The following MCEE variants were observed in gnomAD, a reference collection of about 807,000 sequenced individuals.
MCEE encodes the protein methylmalonyl-CoA epimerase.
A neutral mutation model predicts 12.9 loss-of-function variants in MCEE; 6 were observed. The observed-to-expected ratio is 0.47, with a 90% CI of 0.26 to 0.92. The LOEUF is 0.92. Ranked by LOEUF, MCEE falls within the 40% of genes least tolerant of loss-of-function variation. MCEE has a pLI of 0.16. For synonymous variants in MCEE, 78 were observed against 77.9 expected, an observed-to-expected ratio of 1.00 and a Z score of -0.01; for missense variants, 214 against 212.1, an observed-to-expected ratio of 1.01 and a Z score of -0.05.
At chr2:71,121,607 C>T (rs929643510) in intron 2 of MCEE, among the ~76,000 whole-genome samples, 8 of 152,112 alleles carry the variant, frequency 5.3e-5, no homozygotes, top group African/African-American at 1.9e-4. Context: ...TTCCACTATT[C>T]CTTACTTAAC....
Position 71,110,295 on chromosome 2 carries a change from G to A in MCEE, c.379-173C>T, listed in dbSNP as rs7564905. Among the ~76,000 whole-genome samples, 47,548 of 152,004 alleles carry A rather than the reference G, an allele frequency of 0.31. 9,146 individuals carry two copies. The highest frequency in any genetic ancestry group is 0.66 in the East Asian group (3,435 of 5,166). ...AAGCTTAAAATTTTCAGAGAAGTAA[G>A]AGAAGTTACTAAATTTTTCTAGGTA... On this transcript the variant is annotated intron_variant, in intron 2 of 2. Transcript: ENST00000244217.
intron 2 of MCEE, among the ~76,000 whole-genome samples, chr2:71,120,685 A>G (rs1673082009): frequency 6.7e-6 from 1 of 150,062 alleles, no homozygotes; most frequent in Non-Finnish European, 1.5e-5. Flanking sequence ...AAGGACAGAA[A>G]GTAGCCCTGT....
intron 2 of MCEE, among the ~76,000 whole-genome samples, chr2:71,117,311 A>G (rs1225717449): frequency 6.6e-6 from 1 of 150,626 alleles, no homozygotes; most frequent in African/African-American, 2.5e-5. Context: ...AAGCTTCCAC[A>G]ATGACTATAT....
At chr2:71,111,649 G>T (rs1398774400) in intron 2 of MCEE, among the ~76,000 whole-genome samples, 1 of 152,150 alleles carries the variant, frequency 6.6e-6, no homozygotes, top group Admixed American at 6.6e-5. Context: ...AGGTACTACA[G>T]ATCTTTAGAG....
chr2:71,120,317 G>A lies in MCEE; in HGVS notation c.378+3889C>T, dbSNP rs931312890. On this transcript the variant is annotated intron_variant, in intron 2 of 2. Transcript: ENST00000244217. ...GCTTTGTCTCCTCAAGCAGAGGCAC[G>A]CAGAAGGCAGGGAAGGTGACCCCCC... is the stretch of plus-strand genomic sequence containing the variant. Among the ~76,000 whole-genome samples, 65 of 150,156 alleles carry A rather than the reference G, an allele frequency of 4.3e-4. 7 individuals are homozygous for A. The highest frequency in any genetic ancestry group is 1.6e-3 in the African/African-American group (63 of 39,614).
At position 71,125,213 on chromosome 2, in the gene MCEE, T is replaced by TA. The variant is rs1472965941; in HGVS notation, c.41-671_41-670insT. On this transcript the variant is annotated intron_variant, in intron 1 of 2. Transcript: ENST00000244217. ...AATATATATATATATATATATATAT[T>TA]TTTTTTTTTTTTTGAGACGGAGTCT... Among the ~76,000 whole-genome samples the TA allele has an allele frequency of 4.9e-3, 198 of 40,286 alleles. 2 individuals are homozygous for TA. The highest frequency in any genetic ancestry group is 0.025 in the South Asian group (17 of 676). The allele number at this position is 40,286 out of a possible 152,430, so 26.4% of individuals were successfully genotyped here.
chr2:71,110,254 AATC>A (rs1276471047), intron 2 of MCEE, 132 bp from the exon 3 acceptor site: 2 of 753,198 alleles, frequency 2.7e-6, no homozygotes, highest in Non-Finnish European at 4.3e-6. Flanking sequence ...ACCATTCTTA[AATC>A]ATCATAAAAA....
chr2:71,111,356 T>C (rs1200987662), intron 2 of MCEE, among the ~76,000 whole-genome samples: 3 of 151,966 alleles, frequency 2.0e-5, no homozygotes, highest in Non-Finnish European at 4.4e-5. Flanking sequence ...ATGTCAGACA[T>C]TGTCAATTTT....
intron 1 of MCEE, among the ~76,000 whole-genome samples, chr2:71,125,925 C>T (rs1202774404): frequency 6.6e-6 from 1 of 152,116 alleles, no homozygotes; most frequent in African/African-American, 2.4e-5. Flanking sequence ...CATAAATGTA[C>T]AATTGAAACT....
chr2:71,111,409 CT>C (rs1672882688), intron 2 of MCEE, among the ~76,000 whole-genome samples: 1 of 152,100 alleles, frequency 6.6e-6, no homozygotes, highest in Non-Finnish European at 1.5e-5. Flanking sequence ...AGCTTTTCTT[CT>C]GCTGCGTTAG....
intron 1 of MCEE, chr2:71,129,740 C>G: frequency 3.8e-6 from 1 of 261,816 alleles, no homozygotes; most frequent in Non-Finnish European, 7.6e-6. Context: ...CAACAGAAAG[C>G]TGGTCACGCT....
chr2:71,123,916 A>G (rs1673155121), intron 2 of MCEE, among the ~76,000 whole-genome samples: 1 of 152,228 alleles, frequency 6.6e-6, no homozygotes, highest in Non-Finnish European at 1.5e-5. Flanking sequence ...TGGGAGGTCA[A>G]ACATGATCAA....
intron 1 of MCEE, among the ~76,000 whole-genome samples, chr2:71,125,188 AATATATATATAT>A (rs67615436): frequency 3.0e-5 from 2 of 65,686 alleles, no homozygotes; most frequent in African/African-American, 9.0e-5. Context: ...TATATATATA[AATATATATATAT>A]ATATATATAT....
chr2:71,125,205 A>ATTTT lies in MCEE; in HGVS notation c.41-663_41-662insAAAA, dbSNP rs1342992417. 2.2e-3 allele frequency among the ~76,000 whole-genome samples: 94 copies of ATTTT among 42,622 alleles called. 1 individual carries two copies. Among genetic ancestry groups the ATTTT allele is most frequent in the African/African-American group, 6.0e-3 (77 of 12,768 alleles). The allele number at this position is 42,622 out of a possible 152,430, so 28.0% of individuals were successfully genotyped here. A position where few individuals can be genotyped will look rare whatever the true frequency, so the allele number is the denominator to read the frequency against. ...TATATATAAATATATATATATATAT[A>ATTTT]TATATATTTTTTTTTTTTTTTGAGA... On this transcript the variant is annotated intron_variant, in intron 1 of 2. Coordinates refer to ENST00000244217, the MANE Select transcript of MCEE (RefSeq NM_032601.4).
At chr2:71,111,714 T>C (rs1672888609) in intron 2 of MCEE, among the ~76,000 whole-genome samples, 1 of 152,176 alleles carries the variant, frequency 6.6e-6, no homozygotes, top group South Asian at 2.1e-4. Context: ...TCTAGCACCA[T>C]GGCCTCCTCA....
intron 2 of MCEE, among the ~76,000 whole-genome samples, chr2:71,114,906 T>G (rs1249766047): frequency 6.6e-6 from 1 of 152,234 alleles, no homozygotes; most frequent in Non-Finnish European, 1.5e-5. Flanking sequence ...TTTGAACAAT[T>G]TCATGATATA....
intron 2 of MCEE, among the ~76,000 whole-genome samples, chr2:71,114,405 A>G (rs1313074983): frequency 6.6e-6 from 1 of 152,192 alleles, no homozygotes; most frequent in East Asian, 1.9e-4. Context: ...TAGAAAAGGG[A>G]CACTGGGTAA....
At chr2:71,127,382 T>C (rs1477206406) in intron 1 of MCEE, among the ~76,000 whole-genome samples, 4 of 152,268 alleles carry the variant, frequency 2.6e-5, no homozygotes, top group African/African-American at 7.2e-5. Flanking sequence ...TGCAAGGATC[T>C]ATACTCAAAT....
At chr2:71,125,211 A>ATATATATATATATATTTTTTTTTTTTTTT in intron 1 of MCEE, among the ~76,000 whole-genome samples, 2 of 48,602 alleles carry the variant, frequency 4.1e-5, no homozygotes, top group Non-Finnish European at 4.4e-5. Flanking sequence ...ATATATATAT[A>ATATATATATATATATTTTTTTTTTTTTTT]TTTTTTTTTT....
Sources: allele counts gnomAD v4.1 joint callset (sites outside exome capture counted in the v4.1 genomes callset), GRCh38; gene constraint gnomAD v4.1.1; transcripts MANE v1.5; gene names NCBI Gene and HGNC (gene_info 2026-07-23, HGNC 2026-07-21).